Variants in TJP2 observed in about 807,000 individuals in gnomAD.
TJP2 encodes the protein tight junction protein 2.
Under a neutral mutation model 133.1 loss-of-function variants are expected in TJP2, and 91 were observed. That is an observed-to-expected ratio of 0.68 (90% CI 0.58 to 0.81). The LOEUF (loss-of-function observed/expected upper bound fraction) is 0.81. Among genes scored for constraint, TJP2 ranks in the 40% least tolerant of loss-of-function variants. TJP2 has a pLI of 0.00. For synonymous variants in TJP2, 592 were observed against 583.4 expected, an observed-to-expected ratio of 1.01 and a Z score of -0.21; for missense variants, 1,541 against 1,565.6, an observed-to-expected ratio of 0.98 and a Z score of 0.26.
chr9:69,233,748 G>C (rs1349719843), intron 11 of TJP2, among the ~76,000 whole-genome samples: 1 of 151,992 alleles, frequency 6.6e-6, no homozygotes, highest in African/African-American at 2.4e-5. Flanking sequence ...TTGCACTCCA[G>C]CCTGGGCGAC....
chr9:69,138,497 T>C (rs1403831725), intron 1 of TJP2, among the ~76,000 whole-genome samples: 2 of 149,034 alleles, frequency 1.3e-5, no homozygotes, highest in African/African-American at 4.9e-5. Context: ...CCAGGGACCA[T>C]GGCTTATGCT....
intron 1 of TJP2, among the ~76,000 whole-genome samples, chr9:69,136,065 A>T (rs1822718775): frequency 6.6e-6 from 1 of 152,220 alleles, no homozygotes; most frequent in South Asian, 2.1e-4. Context: ...CTATCTCAGA[A>T]TGCTCAAAGA....
chr9:69,176,345 C>T (rs558973327), intron 1 of TJP2, among the ~76,000 whole-genome samples: 6 of 152,200 alleles, frequency 3.9e-5, no homozygotes, highest in South Asian at 2.1e-4. Context: ...AGGAACAAAA[C>T]GGGTGCTGAA....
At chr9:69,175,546 C>CT (rs1825021270) in intron 1 of TJP2, among the ~76,000 whole-genome samples, 2 of 152,334 alleles carry the variant, frequency 1.3e-5, no homozygotes, top group South Asian at 4.1e-4. Context: ...AGTACCACTG[C>CT]ATATCCTGCT....
chr9:69,238,499 A>G (rs896478786), intron 15 of TJP2, among the ~76,000 whole-genome samples: 1 of 152,110 alleles, frequency 6.6e-6, no homozygotes, highest in Non-Finnish European at 1.5e-5. Flanking sequence ...AATCCAAGCT[A>G]GTTGTCTCCT....
chr9:69,174,043 G>C (rs960189881), upstream of TJP2: 8 of 1,058,936 alleles, frequency 7.6e-6, no homozygotes, highest in Non-Finnish European at 9.1e-6. Flanking sequence ...CCCCCGGCCA[G>C]GAGTCGCGCG....
rs559623556 is a variant in TJP2, at chr9:69,191,284, A to G, written c.60+16852A>G. Among the ~76,000 whole-genome samples the G allele has an allele frequency of 1.1e-4, 16 of 152,336 alleles. No homozygotes were observed. In the East Asian group the frequency reaches 1.5e-3, roughly 15 times the overall value. On this transcript the variant is annotated intron_variant, in intron 1 of 22. Coordinates refer to ENST00000377245, the MANE Select transcript of TJP2 (RefSeq NM_004817.4). ...GATGTAGAAAGGCTATAAAACTGCA[A>G]TGTCTTTGTATCATCAAACATTTCT...
In TJP2 at chr9:69,128,366, G is replaced by A. The variant is rs1360264966; in HGVS notation, c.-131+6641G>A. Reference sequence around the variant, plus strand: ...ATTCTTCTACAGTCCCATCAGCCAGGTATTTGGAGTTCCAATTTCATGTCT... The same window carrying A: ...ATTCTTCTACAGTCCCATCAGCCAGATATTTGGAGTTCCAATTTCATGTCT... On this transcript the variant is annotated intron_variant, in intron 1 of 5. Transcript: ENST00000423935. Among the ~76,000 whole-genome samples, 2 of 18,268 alleles carry A rather than the reference G, an allele frequency of 1.1e-4. 1 individual carries two copies. Among genetic ancestry groups the A allele is most frequent in the Non-Finnish European group, 2.9e-4 (2 of 6,842 alleles). The allele number at this position is 18,268 out of a possible 152,430, so 12.0% of individuals were successfully genotyped here.
intron 18 of TJP2, among the ~76,000 whole-genome samples, chr9:69,247,786 C>T (rs1831029096): frequency 6.6e-6 from 1 of 152,172 alleles, no homozygotes; most frequent in Middle Eastern, 3.2e-3. Context: ...TGGATGGTAG[C>T]ACAGATAGGC....
intron 1 of TJP2, among the ~76,000 whole-genome samples, chr9:69,194,391 T>C (rs1334236035): frequency 6.6e-6 from 1 of 152,118 alleles, no homozygotes; most frequent in Admixed American, 6.5e-5. Flanking sequence ...CTACAAAATA[T>C]GGAGGGGGAG....
At chr9:69,248,344 T>A in intron 19 of TJP2, 120 bp downstream of exon 19, 1 of 1,453,812 alleles carries the variant, frequency 6.9e-7, no homozygotes, top group South Asian at 1.5e-5. Flanking sequence ...AGCAGATGAC[T>A]TCCAGGGAGT....
intron 1 of TJP2, among the ~76,000 whole-genome samples, chr9:69,176,280 G>T (rs1346699794): frequency 6.6e-6 from 1 of 152,214 alleles, no homozygotes; most frequent in East Asian, 1.9e-4. Flanking sequence ...TGAATGAAAT[G>T]ACAGAGAGTA....
At chr9:69,167,205 C>T (rs143438216) in intron 2 of TJP2, among the ~76,000 whole-genome samples, 19 of 151,476 alleles carry the variant, frequency 1.3e-4, no homozygotes, top group African/African-American at 4.4e-4. Flanking sequence ...GCCACTGCAC[C>T]CCAGCCTGGG....
At chr9:69,184,505 G>A (rs1447279874) in intron 1 of TJP2, among the ~76,000 whole-genome samples, 3 of 152,134 alleles carry the variant, frequency 2.0e-5, no homozygotes, top group Non-Finnish European at 4.4e-5. Flanking sequence ...AAAACAAATG[G>A]CTTCTGCTTT....
chr9:69,243,174 G>A (rs1694679105), intron 17 of TJP2, among the ~76,000 whole-genome samples: 1 of 152,088 alleles, frequency 6.6e-6, no homozygotes, highest in Non-Finnish European at 1.5e-5. Context: ...TATTTTGTAG[G>A]CTTTTAAAAT....
chr9:69,184,923 A>G (rs1245478393), intron 1 of TJP2, among the ~76,000 whole-genome samples: 1 of 151,270 alleles, frequency 6.6e-6, no homozygotes, highest in Non-Finnish European at 1.5e-5. Context: ...CTAATTTTTA[A>G]ATATTTTGTA....
intron 20 of TJP2, chr9:69,249,701 T>A: frequency 1.0e-6 from 1 of 985,454 alleles, no homozygotes. Context: ...GGAGAGCATA[T>A]GATTTTAGGA....
chr9:69,223,493 G>T (rs1385934941), intron 5 of TJP2, among the ~76,000 whole-genome samples: 1 of 152,198 alleles, frequency 6.6e-6, no homozygotes, highest in Non-Finnish European at 1.5e-5. Flanking sequence ...GTTTTAAGTA[G>T]AGACGGGGTT....
Position 69,221,395 on chromosome 9 carries a change from GCCGCAGCCGCGAGCAC to G in TJP2, c.857_872del (p.Ser286ThrfsTer20). On this transcript the variant is annotated frameshift_variant, in exon 5 of 23. Transcript: ENST00000377245. LOFTEE classifies it high-confidence loss of function. Reference sequence around the variant, plus strand: ...GATGCCCGCTCTCGGGGACCCCGAAGCCGCAGCCGCGAGCACCCGCACTCACGGAGCCCCAGCCCCG... The same window carrying G: ...GATGCCCGCTCTCGGGGACCCCGAAGCCGCACTCACGGAGCCCCAGCCCCG... The G allele has an allele frequency of 6.3e-7, 1 of 1,580,438 alleles. No homozygotes were observed. The highest frequency in any genetic ancestry group is 8.6e-7 in the Non-Finnish European group (1 of 1,163,798).
Sources: gnomAD v4.1 joint callset for allele counts (sites outside exome capture counted in the v4.1 genomes callset) on GRCh38, gnomAD v4.1.1 for gene constraint, MANE v1.5 for transcripts, NCBI Gene and HGNC (gene_info 2026-07-23, HGNC 2026-07-21) for gene names.